Variants in CCDC122 observed in about 807,000 individuals in gnomAD.
The protein encoded by CCDC122 is coiled-coil domain containing 122.
CCDC122 carries 38 observed loss-of-function variants against 37.0 expected under a neutral mutation model. The observed-to-expected ratio is 1.03, with a 90% CI of 0.79 to 1.35. CCDC122 has a LOEUF of 1.35. Ranked by LOEUF, CCDC122 falls within the 40% of genes most tolerant of loss-of-function variation. The pLI is 0.00. For missense variants in CCDC122, 305 were observed against 310.0 expected, an observed-to-expected ratio of 0.98 and a Z score of 0.12; for synonymous variants, 83 against 95.6, an observed-to-expected ratio of 0.87 and a Z score of 0.77.
At chr13:43,823,681 C>T (rs974564588), downstream of CCDC122, among the ~76,000 whole-genome samples, 6 of 152,236 alleles carry the variant, frequency 3.9e-5, no homozygotes, top group African/African-American at 9.6e-5. Flanking sequence ...CTCCTCCATG[C>T]GTGGGCGCTA....
chr13:43,859,016 A>G lies in CCDC122; in HGVS notation c.556-119T>C, dbSNP rs931453453. 3 of 778,394 alleles carry G rather than the reference A, an allele frequency of 3.9e-6. No homozygotes were observed. The African/African-American group carries it at 5.5e-5, about 14-fold the overall frequency. 48.2% of individuals were successfully genotyped at this position (778,394 alleles called of 1,614,324 possible). A position where few individuals can be genotyped will look rare whatever the true frequency, so the allele number is the denominator to read the frequency against. On this transcript the variant is annotated intron_variant, in intron 5 of 6. Transcript: ENST00000444614. ...CCAAATCAAAATTTAGTTTTGATAA[A>G]TAGCATTAGAATATTACTTCTATAC...
intron 3 of CCDC122, among the ~76,000 whole-genome samples, chr13:43,830,809 C>CA (rs1160227811): frequency 6.6e-6 from 1 of 152,096 alleles, no homozygotes; most frequent in Non-Finnish European, 1.5e-5. Context: ...GGAGTTACCA[C>CA]AAAAAATGAG....
chr13:43,877,551 A>G (rs979393755), intron 1 of CCDC122, among the ~76,000 whole-genome samples: 29 of 152,188 alleles, frequency 1.9e-4, no homozygotes, highest in African/African-American at 7.0e-4. Context: ...TATGAACAAA[A>G]TGTAAAGAAG....
downstream of CCDC122, chr13:43,836,249 C>T (rs1485532313): frequency 1.3e-5 from 2 of 152,160 alleles, no homozygotes; most frequent in Non-Finnish European, 2.9e-5. Flanking sequence ...GATTTATTGA[C>T]ATTTTGCCTT....
Position 43,859,985 on chromosome 13 carries a change from G to C in CCDC122, c.242C>G (p.Ser81Cys). ...ETERQIYQQD[S>C]AIENTKLHCD... ...ATGAAGTTTGGTATTCTCTATGGCAGAATCTTGTTGATAAATTTGTCTTTC... is the reference window on the plus strand; with the variant it reads ...ATGAAGTTTGGTATTCTCTATGGCACAATCTTGTTGATAAATTTGTCTTTC... Residue 81 changes from serine to cysteine, a missense_variant, in exon 5 of 7, where the codon TCT becomes TGT. Ser to Cys is a moderately radical substitution (Grantham distance 112). Transcript: ENST00000444614. 6.3e-7 allele frequency: 1 copy of C among 1,590,598 alleles called. No individual in the cohort carries two copies.
intron 6 of CCDC122, among the ~76,000 whole-genome samples, chr13:43,845,728 A>AAACAC (rs1953503120): frequency 1.3e-5 from 2 of 151,834 alleles, no homozygotes; most frequent in Non-Finnish European, 2.9e-5. Context: ...AAACAAAACA[A>AAACAC]AACAAAAGTT....
intron 3 of CCDC122, among the ~76,000 whole-genome samples, chr13:43,828,621 T>C (rs1953061931): frequency 6.6e-6 from 1 of 151,566 alleles, no homozygotes; most frequent in Non-Finnish European, 1.5e-5. Context: ...GTCAACTAAA[T>C]TGATCTCCTG....
intron 4 of CCDC122, among the ~76,000 whole-genome samples, chr13:43,864,391 G>A (rs73465553): frequency 0.017 from 2,582 of 152,130 alleles, 64 homozygotes; most frequent in African/African-American, 0.056. Flanking sequence ...TTCAAAAAAG[G>A]TTTATTTGGC....
intron 6 of CCDC122, among the ~76,000 whole-genome samples, chr13:43,850,741 A>AT (rs1408364536): frequency 6.6e-6 from 1 of 152,212 alleles, no homozygotes; most frequent in Non-Finnish European, 1.5e-5. Flanking sequence ...GAAGGCACAG[A>AT]TTTTTTAAAA....
At chr13:43,859,025 G>A (rs1370879018) in intron 5 of CCDC122, 128 bp from the exon 6 acceptor site, 1 of 682,502 alleles carries the variant, frequency 1.5e-6, no homozygotes, top group African/African-American at 1.9e-5. Context: ...AATAGCATTA[G>A]AATATTACTT....
chr13:43,851,512 CCT>C lies in CCDC122; in HGVS notation c.672+7267_672+7268del, dbSNP rs558671936. Among the ~76,000 whole-genome samples the C allele has an allele frequency of 3.1e-3, 475 of 152,282 alleles. 2 individuals are homozygous for C. Among genetic ancestry groups the C allele is most frequent in the African/African-American group, 0.01 (436 of 41,542 alleles). Reference sequence around the variant, plus strand: ...AACACACAGCCATCAGCAGGGACCCCCTGTCTCCCCCTAACTACACTGTCTCT... The same window carrying C: ...AACACACAGCCATCAGCAGGGACCCCGTCTCCCCCTAACTACACTGTCTCT... On this transcript the variant is annotated intron_variant, in intron 6 of 6. Coordinates refer to ENST00000444614, the MANE Select transcript of CCDC122 (RefSeq NM_144974.5).
At chr13:43,837,651 T>C (rs1405631340) in intron 6 of CCDC122, among the ~76,000 whole-genome samples, 1 of 109,198 alleles carries the variant, frequency 9.2e-6, no homozygotes, top group African/African-American at 2.8e-5. Context: ...TAAATTCTTA[T>C]AACACCTTAT....
chr13:43,821,171 G>A (rs1952990105), downstream of CCDC122, among the ~76,000 whole-genome samples: 1 of 152,166 alleles, frequency 6.6e-6, no homozygotes, highest in African/African-American at 2.4e-5. Context: ...TCTACTCGCT[G>A]CTCAATATCC....
intron 6 of CCDC122, among the ~76,000 whole-genome samples, chr13:43,847,851 T>C (rs73465518): frequency 0.046 from 6,992 of 152,262 alleles, 325 homozygotes; most frequent in African/African-American, 0.11. Flanking sequence ...CTCAGCTCAT[T>C]GCAACCTCTT....
chr13:43,863,793 G>A (rs1189286941), intron 4 of CCDC122, among the ~76,000 whole-genome samples: 1 of 151,710 alleles, frequency 6.6e-6, no homozygotes, highest in East Asian at 1.9e-4. Flanking sequence ...AACCCAAATG[G>A]CCAAAGGGCC....
chr13:43,848,924 T>C (rs1361214934), intron 6 of CCDC122: 1 of 977,496 alleles, frequency 1.0e-6, no homozygotes, highest in African/African-American at 1.8e-5. Context: ...TAAAAATCTT[T>C]TGGTATTGGA....
chr13:43,836,819 C>T lies in CCDC122; in HGVS notation c.*461G>A, dbSNP rs1479830988. ...GAGCCGAGACTGCGCCACTGCAGTCCGCAGTCCGGCCTGGGCGACAGAGCG... is the reference window on the plus strand; with the variant it reads ...GAGCCGAGACTGCGCCACTGCAGTCTGCAGTCCGGCCTGGGCGACAGAGCG... On this transcript the variant is annotated 3_prime_UTR_variant, in exon 7 of 7. Coordinates refer to ENST00000444614, the MANE Select transcript of CCDC122 (RefSeq NM_144974.5). The T allele has an allele frequency of 7.3e-6, 1 of 136,848 alleles. No individual in the cohort carries two copies. Among genetic ancestry groups the T allele is most frequent in the Non-Finnish European group, 1.5e-5 (1 of 65,532 alleles). The allele number at this position is 136,848 out of a possible 1,614,324, so 8.5% of individuals were successfully genotyped here. A position where few individuals can be genotyped will look rare whatever the true frequency, so the allele number is the denominator to read the frequency against.
chr13:43,852,661 T>C (rs1214531943), intron 6 of CCDC122, among the ~76,000 whole-genome samples: 7 of 151,794 alleles, frequency 4.6e-5, no homozygotes, highest in African/African-American at 1.2e-4. Flanking sequence ...TTCACAAGAA[T>C]AGCATCCCCA....
downstream of CCDC122, among the ~76,000 whole-genome samples, chr13:43,834,093 A>C (rs1953116208): frequency 6.6e-6 from 1 of 152,212 alleles, no homozygotes; most frequent in Non-Finnish European, 1.5e-5. Context: ...ATAGTTTCCA[A>C]GATAAGAAAG....
Sources: gnomAD v4.1 joint callset for allele counts (sites outside exome capture counted in the v4.1 genomes callset) on GRCh38, gnomAD v4.1.1 for gene constraint, MANE v1.5 for transcripts, NCBI Gene and HGNC (gene_info 2026-07-23, HGNC 2026-07-21) for gene names.